The following RBPMS2 variants were observed in gnomAD, a reference collection of about 807,000 sequenced individuals.
The protein encoded by RBPMS2 is RNA-binding protein with multiple splicing 2.
A neutral mutation model predicts 25.7 loss-of-function variants in RBPMS2; 14 were observed. The observed-to-expected ratio is 0.55, with a 90% CI of 0.36 to 0.85. The LOEUF (loss-of-function observed/expected upper bound fraction) is 0.85. Ranked by LOEUF, RBPMS2 falls within the 40% of genes least tolerant of loss-of-function variation. The pLI is 0.01. For synonymous variants in RBPMS2, 127 were observed against 115.6 expected, an observed-to-expected ratio of 1.10 and a Z score of -0.63; for missense variants, 252 against 283.4, an observed-to-expected ratio of 0.89 and a Z score of 0.80.
chr15:64,753,619 G>C (rs1291631380), intron 1 of RBPMS2, among the ~76,000 whole-genome samples: 1 of 152,144 alleles, frequency 6.6e-6, no homozygotes, highest in African/African-American at 2.4e-5. Flanking sequence ...CCATGGTGAA[G>C]ACAAACCTCA....
At chr15:64,750,181 AC>A (rs1246766393) in intron 3 of RBPMS2, among the ~76,000 whole-genome samples, 161 bp downstream of exon 3, 1 of 152,170 alleles carries the variant, frequency 6.6e-6, no homozygotes, top group Non-Finnish European at 1.5e-5. Context: ...CAGTGAAGAG[AC>A]AGTGGGACCT....
At chr15:64,763,365 C>T (rs1281875429) in intron 1 of RBPMS2, among the ~76,000 whole-genome samples, 2 of 152,130 alleles carry the variant, frequency 1.3e-5, no homozygotes, top group Non-Finnish European at 2.9e-5. Flanking sequence ...GCTCAGCTAC[C>T]CAGGCAAGGA....
chr15:64,765,703 T>C (rs1056828077), intron 1 of RBPMS2, among the ~76,000 whole-genome samples: 11 of 152,278 alleles, frequency 7.2e-5, no homozygotes, highest in African/African-American at 2.2e-4. Flanking sequence ...CCCAGCGCTC[T>C]GGGAGGCCGA....
intron 1 of RBPMS2, among the ~76,000 whole-genome samples, chr15:64,768,848 C>G (rs1021184912): frequency 4.6e-5 from 7 of 150,586 alleles, no homozygotes; most frequent in African/African-American, 1.7e-4. Flanking sequence ...TGTCTGTAAT[C>G]CCAGCACTTT....
Position 64,749,416 on chromosome 15 carries a change from T to G in RBPMS2, c.267+15A>C. The G allele has an allele frequency of 6.2e-7, 1 of 1,610,506 alleles. No individual in the cohort carries two copies. Among genetic ancestry groups the G allele is most frequent in the Non-Finnish European group, 8.5e-7 (1 of 1,177,476 alleles). ...GGGCTGTGAGTCAGAGAAGACCTGTTCTCCACCTACTCACGTTCAGCGCAT... is the reference window on the plus strand; with the variant it reads ...GGGCTGTGAGTCAGAGAAGACCTGTGCTCCACCTACTCACGTTCAGCGCAT... On this transcript the variant is annotated intron_variant, in intron 4 of 7. Coordinates refer to ENST00000300069, the MANE Select transcript of RBPMS2 (RefSeq NM_194272.3).
intron 6 of RBPMS2, among the ~76,000 whole-genome samples, chr15:64,747,211 C>T (rs189980040): frequency 1.1e-4 from 16 of 152,288 alleles, no homozygotes; most frequent in African/African-American, 3.6e-4. Flanking sequence ...CTGGGGAAAA[C>T]AGTTTGCTAG....
chr15:64,746,617 A>C (rs1307073692), intron 6 of RBPMS2, among the ~76,000 whole-genome samples: 1 of 152,158 alleles, frequency 6.6e-6, no homozygotes, highest in Non-Finnish European at 1.5e-5. Context: ...AGCCAACAGG[A>C]GGAAGGAAGC....
At position 64,762,355 on chromosome 15, in the gene RBPMS2, G is replaced by C. The variant is rs746473842; in HGVS notation, c.88-10717C>G. The C allele has an allele frequency of 1.3e-5, 5 of 380,938 alleles. No homozygotes were observed. In the African/African-American group the frequency reaches 2.9e-4, roughly 22 times the overall value. The allele number at this position is 380,938 out of a possible 1,614,324, so 23.6% of individuals were successfully genotyped here. On this transcript the variant is annotated intron_variant, in intron 1 of 7. Coordinates refer to ENST00000300069, the MANE Select transcript of RBPMS2 (RefSeq NM_194272.3). ...TGCCCCACTAGCTATGGGGAGGTTG[G>C]GGATGGGTGCTGGAGCAGGCCCAGC...
In RBPMS2 at chr15:64,744,145, A is replaced by G. The variant is rs577831804; in HGVS notation, c.568-2903T>C. ...ATAACTAAAAAAAGAGAAAGGAAAA[A>G]AAAAAGATATAAACAACCAAAGATA... On this transcript the variant is annotated intron_variant, in intron 6 of 7. Transcript: ENST00000300069. Among the ~76,000 whole-genome samples, 9 of 152,142 alleles carry G rather than the reference A, an allele frequency of 5.9e-5. No individual in the cohort carries two copies. In the East Asian group the frequency reaches 1.5e-3, roughly 26 times the overall value.
chr15:64,747,897 C>T (rs555850669), intron 6 of RBPMS2, among the ~76,000 whole-genome samples: 4 of 152,322 alleles, frequency 2.6e-5, no homozygotes, highest in South Asian at 2.1e-4. Context: ...ACACTCAGGG[C>T]GCTCTAGGTT....
At chr15:64,772,187 A>G (rs569476064) in intron 1 of RBPMS2, among the ~76,000 whole-genome samples, 1 of 152,362 alleles carries the variant, frequency 6.6e-6, no homozygotes, top group Non-Finnish European at 1.5e-5. Context: ...TCCACTTTCA[A>G]AATAGAAATC....
chr15:64,742,588 G>A (rs1361280734), intron 6 of RBPMS2, among the ~76,000 whole-genome samples: 1 of 152,222 alleles, frequency 6.6e-6, no homozygotes, highest in Non-Finnish European at 1.5e-5. Flanking sequence ...TATGCACGGT[G>A]AAGCATGTCT....
At chr15:64,743,590 C>G (rs1181873205) in intron 6 of RBPMS2, among the ~76,000 whole-genome samples, 1 of 152,156 alleles carries the variant, frequency 6.6e-6, no homozygotes, top group Admixed American at 6.5e-5. Context: ...GGGGCCAGGC[C>G]AGCAAGACAG....
At chr15:64,770,004 C>A (rs1278477048) in intron 1 of RBPMS2, among the ~76,000 whole-genome samples, 1 of 152,108 alleles carries the variant, frequency 6.6e-6, no homozygotes. Context: ...CACAGTGAAA[C>A]CCCGTCTCTG....
At chr15:64,774,732 A>AGCCGGCCGGCCGGCG (rs146916271) in intron 1 of RBPMS2, among the ~76,000 whole-genome samples, 2 of 147,064 alleles carry the variant, frequency 1.4e-5, no homozygotes, top group South Asian at 2.1e-4. Flanking sequence ...GGAACCGAGG[A>AGCCGGCCGGCCGGCG]GCCGGCCGGC....
At chr15:64,745,466 G>GGGA (rs2141055705) in intron 6 of RBPMS2, among the ~76,000 whole-genome samples, 1 of 152,224 alleles carries the variant, frequency 6.6e-6, no homozygotes, top group East Asian at 1.9e-4. Context: ...ATAGAGGCAC[G>GGGA]GGAGTTTATG....
intron 6 of RBPMS2, among the ~76,000 whole-genome samples, chr15:64,744,074 C>A (rs781075113): frequency 1.1e-4 from 17 of 151,568 alleles, no homozygotes; most frequent in Non-Finnish European, 1.9e-4. Context: ...TGCCACTGCA[C>A]TCTAGCCTGG....
chr15:64,755,413 C>T (rs1192650614), intron 1 of RBPMS2, among the ~76,000 whole-genome samples: 1 of 152,110 alleles, frequency 6.6e-6, no homozygotes, highest in Non-Finnish European at 1.5e-5. Flanking sequence ...TCCCAAACAC[C>T]CGCCTTGGTT....
At chr15:64,745,766 A>T (rs752740639) in intron 6 of RBPMS2, among the ~76,000 whole-genome samples, 2 of 152,164 alleles carry the variant, frequency 1.3e-5, no homozygotes, top group African/African-American at 2.4e-5. Context: ...ACAGAGCAGG[A>T]CCAAACAACC....
Sources: allele counts gnomAD v4.1 joint callset (sites outside exome capture counted in the v4.1 genomes callset), GRCh38; gene constraint gnomAD v4.1.1; transcripts MANE v1.5; gene names NCBI Gene and HGNC (gene_info 2026-07-23, HGNC 2026-07-21).